THRB: variants seen among roughly 807,000 people sequenced by gnomAD.
The protein encoded by THRB is thyroid hormone receptor beta, also known as nuclear receptor subfamily 1 group A member 2.
A neutral mutation model predicts 47.8 loss-of-function variants in THRB; 12 were observed. The observed-to-expected ratio is 0.25, with a 90% confidence interval of 0.16 to 0.41. The LOEUF is 0.41. Ranked by LOEUF, THRB falls within the 10% of genes least tolerant of loss-of-function variation. THRB has a pLI of 1.00. For synonymous variants in THRB, 218 were observed against 212.2 expected, an observed-to-expected ratio of 1.03 and a Z score of -0.24; for missense variants, 348 against 589.2, an observed-to-expected ratio of 0.59 and a Z score of 4.24.
At chr3:24,180,871 G>A (rs555955556) in intron 5 of THRB, among the ~76,000 whole-genome samples, 1 of 152,160 alleles carries the variant, frequency 6.6e-6, no homozygotes, top group Admixed American at 6.5e-5. Context: ...GCATGAGGTC[G>A]CTGCATCTCC....
chr3:24,399,677 TC>T (rs563516965), intron 1 of THRB, among the ~76,000 whole-genome samples: 58 of 152,214 alleles, frequency 3.8e-4, no homozygotes, highest in African/African-American at 1.2e-3. Flanking sequence ...ATTTACAGAC[TC>T]TTCTGGCTGA....
intron 4 of THRB, among the ~76,000 whole-genome samples, chr3:24,213,094 C>T (rs1053044227): frequency 6.6e-6 from 1 of 152,072 alleles, no homozygotes; most frequent in African/African-American, 2.4e-5. Context: ...GTAGACCAGA[C>T]CCTTAAATGG....
At chr3:24,457,763 C>G (rs1430226381) in intron 1 of THRB, among the ~76,000 whole-genome samples, 3 of 152,050 alleles carry the variant, frequency 2.0e-5, no homozygotes, top group African/African-American at 7.2e-5. Context: ...CCAGGCAAAA[C>G]CAAGAAACAT....
chr3:24,294,090 G>C (rs541204957), intron 3 of THRB, among the ~76,000 whole-genome samples: 97 of 152,296 alleles, frequency 6.4e-4, no homozygotes, highest in African/African-American at 2.2e-3. Context: ...ACACTGTGTG[G>C]CTTGAGACTA....
At chr3:24,484,589 G>A (rs545964239) in intron 1 of THRB, among the ~76,000 whole-genome samples, 10 of 152,192 alleles carry the variant, frequency 6.6e-5, no homozygotes, top group East Asian at 3.9e-4. Context: ...TATGGCTCAC[G>A]TTCTATTTCT....
chr3:24,270,213 C>T (rs1430757939), intron 3 of THRB, among the ~76,000 whole-genome samples: 1 of 152,176 alleles, frequency 6.6e-6, no homozygotes, highest in Non-Finnish European at 1.5e-5. Flanking sequence ...GAAAAGCAAA[C>T]AGGCCATTAA....
At chr3:24,443,825 A>G (rs1397778656) in intron 1 of THRB, among the ~76,000 whole-genome samples, 1 of 152,196 alleles carries the variant, frequency 6.6e-6, no homozygotes, top group East Asian at 1.9e-4. Flanking sequence ...TTATCTTCAT[A>G]TTACAGAGTA....
At chr3:24,180,964 A>G (rs1387989391) in intron 5 of THRB, among the ~76,000 whole-genome samples, 2 of 152,204 alleles carry the variant, frequency 1.3e-5, no homozygotes, top group African/African-American at 2.4e-5. Flanking sequence ...CTTCAGGGGA[A>G]TAAGTTTTTT....
At chr3:24,404,295 A>C (rs1479260746) in intron 1 of THRB, among the ~76,000 whole-genome samples, 1 of 151,970 alleles carries the variant, frequency 6.6e-6, no homozygotes, top group African/African-American at 2.4e-5. Flanking sequence ...GGGTACAAAA[A>C]GTTCAGTGAT....
At chr3:24,198,396 T>G (rs1281521027) in intron 4 of THRB, among the ~76,000 whole-genome samples, 2 of 147,942 alleles carry the variant, frequency 1.4e-5, no homozygotes, top group Non-Finnish European at 3.0e-5. Context: ...AGCCAACACA[T>G]GGACAAGGTC....
chr3:24,363,977 A>G (rs2064260296), intron 1 of THRB, among the ~76,000 whole-genome samples: 1 of 152,140 alleles, frequency 6.6e-6, no homozygotes, highest in Non-Finnish European at 1.5e-5. Context: ...CTAAGGATGG[A>G]TGGAGTCTGA....
intron 3 of THRB, among the ~76,000 whole-genome samples, chr3:24,240,429 T>G (rs1230302267): frequency 6.6e-6 from 1 of 152,168 alleles, no homozygotes; most frequent in African/African-American, 2.4e-5. Flanking sequence ...GAGAAGAGGA[T>G]GCAGTAAGTC....
chr3:24,217,908 T>C (rs999006417), intron 4 of THRB, among the ~76,000 whole-genome samples: 9 of 152,196 alleles, frequency 5.9e-5, no homozygotes, highest in Non-Finnish European at 1.2e-4. Context: ...TATGAAAAAC[T>C]ATCTACTTCC....
At chr3:24,350,686 G>C (rs1026078216) in intron 1 of THRB, among the ~76,000 whole-genome samples, 1 of 152,136 alleles carries the variant, frequency 6.6e-6, no homozygotes, top group Non-Finnish European at 1.5e-5. Context: ...GAGAGTTTTT[G>C]CTTCTTGTCA....
intron 3 of THRB, among the ~76,000 whole-genome samples, chr3:24,282,608 A>G (rs1246758580): frequency 3.0e-5 from 4 of 134,290 alleles, no homozygotes; most frequent in East Asian, 2.1e-4. Context: ...AAGGAAATAG[A>G]GACACAAAAA....
rs142830943 is a variant in THRB, at chr3:24,143,699, C to T, written c.540G>A (p.Leu180=). ...IYVGMATDLV[L]DDSKRLAKRK... is the part of the protein sequence containing the mutation. ...TCTTGGCCAGCCTCTTGCTGTCATCCAGCACCACTGGGAGGGGGAGAAAGA... is the reference window on the plus strand; with the variant it reads ...TCTTGGCCAGCCTCTTGCTGTCATCTAGCACCACTGGGAGGGGGAGAAAGA... The change falls in exon 8 of 11, where the codon CTG becomes CTA. Residue 180 remains leucine, a synonymous_variant. Coordinates refer to ENST00000646209, the MANE Select transcript of THRB (RefSeq NM_001354712.2). 9.4e-5 allele frequency: 152 copies of T among 1,614,016 alleles called. No homozygotes were observed. Among genetic ancestry groups the T allele is most frequent in the Non-Finnish European group, 1.2e-4 (139 of 1,180,022 alleles).
At chr3:24,456,187 T>C (rs9822004) in intron 1 of THRB, among the ~76,000 whole-genome samples, 5,066 of 151,992 alleles carry the variant, frequency 0.033, 258 homozygotes, top group African/African-American at 0.11. Context: ...TTTTAAAAAT[T>C]AACTGGGTGT....
intron 2 of THRB, among the ~76,000 whole-genome samples, chr3:24,303,023 T>C (rs138635554): frequency 2.0e-3 from 301 of 152,318 alleles, no homozygotes; most frequent in African/African-American, 6.9e-3. Flanking sequence ...CTTACAGGTA[T>C]ACAATCACAT....
intron 3 of THRB, among the ~76,000 whole-genome samples, chr3:24,292,407 G>A (rs1298924849): frequency 2.6e-5 from 4 of 152,170 alleles, no homozygotes; most frequent in African/African-American, 9.7e-5. Context: ...GTCCCCAGAA[G>A]CATCAGGGAC....
Sources: gnomAD v4.1 joint callset for allele counts (sites outside exome capture counted in the v4.1 genomes callset) on GRCh38, gnomAD v4.1.1 for gene constraint, MANE v1.5 for transcripts, NCBI Gene and HGNC (gene_info 2026-07-23, HGNC 2026-07-21) for gene names.